Variants in PCP4L1 observed in about 807,000 individuals in gnomAD.
PCP4L1 encodes the protein Purkinje cell protein 4 like 1.
A neutral mutation model predicts 9.6 loss-of-function variants in PCP4L1; 9 were observed. The ratio of observed to expected loss-of-function variants is 0.94; its 90% CI spans 0.57 to 1.64. The LOEUF (loss-of-function observed/expected upper bound fraction) is 1.64. PCP4L1 is among the 40% of genes most tolerant of loss of function. The pLI is 0.00. For missense variants in PCP4L1, 81 were observed against 80.8 expected (o/e 1.00, Z -0.01); for synonymous variants, 31 against 28.2 (o/e 1.10, Z -0.31).
chr1:161,278,185 A>C (rs12409590), intron 1 of PCP4L1, among the ~76,000 whole-genome samples: 1 of 151,764 alleles, frequency 6.6e-6, no homozygotes, highest in Non-Finnish European at 1.5e-5. Context: ...CAATTCCTCC[A>C]CCGCCCTTTA....
intron 1 of PCP4L1, among the ~76,000 whole-genome samples, chr1:161,279,329 T>C (rs1669756002): frequency 6.6e-6 from 1 of 152,258 alleles, no homozygotes; most frequent in Admixed American, 6.5e-5. Flanking sequence ...GCAGGGACTT[T>C]CTTTTGCTCA....
Position 161,284,632 on chromosome 1 carries a change from C to T in PCP4L1, c.*151C>T. The T allele has an allele frequency of 9.6e-7, 1 of 1,047,090 alleles. No homozygotes were observed. 64.9% of individuals were successfully genotyped at this position (1,047,090 alleles called of 1,614,324 possible). ...CTTGTATCTGGCCCCCTCAAGCCAT[C>T]ACAGAAGTAGAGGCACAAGAGAGGT... On this transcript the variant is annotated 3_prime_UTR_variant, in exon 3 of 3. Coordinates refer to ENST00000504449, the MANE Select transcript of PCP4L1 (RefSeq NM_001102566.2).
intron 1 of PCP4L1, among the ~76,000 whole-genome samples, chr1:161,282,380 A>AGAGAGGGAGAGGGAGACCGTGGG (rs1278654412): frequency 5.8e-4 from 72 of 123,756 alleles, no homozygotes; most frequent in Middle Eastern, 7.4e-3. Context: ...GAGCGTGGAA[A>AGAGAGGGAGAGGGAGACCGTGGG]GAGAGGGAGA....
At chr1:161,272,583 T>G (rs1003394980) in intron 1 of PCP4L1, among the ~76,000 whole-genome samples, 2 of 150,088 alleles carry the variant, frequency 1.3e-5, no homozygotes, top group African/African-American at 4.9e-5. Context: ...AAAAAATTGG[T>G]ATTCCTCAAT....
At position 161,258,767 on chromosome 1, in the gene PCP4L1, C is replaced by A; in HGVS notation, c.-208C>A. The A allele has an allele frequency of 5.4e-6, 4 of 746,842 alleles. No homozygotes were observed. The highest frequency in any genetic ancestry group is 4.7e-5 in the Admixed American group (2 of 42,198). The allele number at this position is 746,842 out of a possible 1,614,324, so 46.3% of individuals were successfully genotyped here. ...GCTGAGCGGCTCTGACAGGACGGGT[C>A]GCAGGGGGTCGCCTGGCCGGAGCTG... On this transcript the variant is annotated 5_prime_UTR_variant, in exon 1 of 3. Coordinates refer to ENST00000504449, the MANE Select transcript of PCP4L1 (RefSeq NM_001102566.2).
At chr1:161,261,279 G>A (rs903879462) in intron 1 of PCP4L1, among the ~76,000 whole-genome samples, 1 of 152,216 alleles carries the variant, frequency 6.6e-6, no homozygotes, top group African/African-American at 2.4e-5. Context: ...AAACCAGGGA[G>A]GAGTCTCCAG....
chr1:161,276,341 T>C (rs139255588), intron 1 of PCP4L1, among the ~76,000 whole-genome samples: 128 of 152,280 alleles, frequency 8.4e-4, no homozygotes, highest in African/African-American at 2.6e-3. Flanking sequence ...AGGAATTCCA[T>C]AGGGTTTCAG....
At chr1:161,268,750 T>C (rs1431434238) in intron 1 of PCP4L1, among the ~76,000 whole-genome samples, 2 of 152,140 alleles carry the variant, frequency 1.3e-5, no homozygotes, top group African/African-American at 2.4e-5. Flanking sequence ...GGTTTCACCA[T>C]GTTGGTCAGG....
In PCP4L1 at chr1:161,283,693, C is replaced by T. The variant is rs1399916540; in HGVS notation, c.35C>T (p.Thr12Ile). ...CTTAATACCAAAACATCCCCAGCAA[C>T]CAACCAGGCAGCTGGCCAAGAGGAA... is the stretch of plus-strand genomic sequence containing the variant. The part of the protein sequence containing the change: ...SELNTKTSPA[T>I]NQAAGQEEKG... Residue 12 changes from threonine (T) to isoleucine (I), a missense_variant, in exon 2 of 3, where the codon ACC becomes ATC. Thr to Ile is a moderately conservative substitution (Grantham distance 89). Coordinates refer to ENST00000504449, the MANE Select transcript of PCP4L1 (RefSeq NM_001102566.2). 1 of 1,605,814 alleles carries T rather than the reference C, an allele frequency of 6.2e-7. No individual in the cohort carries two copies. Among genetic ancestry groups the T allele is most frequent in the African/African-American group, 1.3e-5 (1 of 74,878 alleles).
chr1:161,268,294 G>C (rs77144179), intron 1 of PCP4L1, among the ~76,000 whole-genome samples: 6 of 151,946 alleles, frequency 3.9e-5, no homozygotes, highest in Non-Finnish European at 5.9e-5. Context: ...AAACTCCTAC[G>C]GTAGCAGAAT....
At chr1:161,274,797 A>G (rs1236716691) in intron 1 of PCP4L1, among the ~76,000 whole-genome samples, 1 of 152,084 alleles carries the variant, frequency 6.6e-6, no homozygotes, top group Non-Finnish European at 1.5e-5. Flanking sequence ...CAGAGTGGCT[A>G]TTTCGAGAAC....
chr1:161,260,325 G>C (rs1036575081), intron 1 of PCP4L1, among the ~76,000 whole-genome samples: 4 of 152,314 alleles, frequency 2.6e-5, no homozygotes, highest in African/African-American at 9.6e-5. Flanking sequence ...GAACCAAAGT[G>C]GTTTCCAGTC....
At chr1:161,271,446 C>G (rs1669624688) in intron 1 of PCP4L1, among the ~76,000 whole-genome samples, 1 of 152,078 alleles carries the variant, frequency 6.6e-6, no homozygotes, top group Admixed American at 6.6e-5. Flanking sequence ...TGGATGCAAG[C>G]CTTTTATCAG....
chr1:161,267,094 T>G (rs1669544184), intron 1 of PCP4L1, among the ~76,000 whole-genome samples: 1 of 152,094 alleles, frequency 6.6e-6, no homozygotes, highest in African/African-American at 2.4e-5. Context: ...GCAGGGAGCT[T>G]AGGAAGCCTA....
Position 161,283,736 on chromosome 1 carries a change from G to A in PCP4L1, c.64+14G>A, listed in dbSNP as rs1408915268. On this transcript the variant is annotated intron_variant, in intron 2 of 2. Coordinates refer to ENST00000504449, the MANE Select transcript of PCP4L1 (RefSeq NM_001102566.2). ...AAGAGGAAAAAGGTGAGTGGGGTTGGGCTAGGCAGTTTGTAGAGCAGGTGA... is the reference window on the plus strand; with the variant it reads ...AAGAGGAAAAAGGTGAGTGGGGTTGAGCTAGGCAGTTTGTAGAGCAGGTGA... 2 of 1,601,640 alleles carry A rather than the reference G, an allele frequency of 1.2e-6. No individual in the cohort carries two copies. Among genetic ancestry groups the A allele is most frequent in the Non-Finnish European group, 8.5e-7 (1 of 1,173,598 alleles).
At chr1:161,261,160 T>TA (rs1669411046) in intron 1 of PCP4L1, among the ~76,000 whole-genome samples, 1 of 152,190 alleles carries the variant, frequency 6.6e-6, no homozygotes, top group Non-Finnish European at 1.5e-5. Flanking sequence ...CCTTGAATCT[T>TA]ACGTAAGTTT....
rs1015247440 is a variant in PCP4L1, at chr1:161,284,733, A to T, written c.*252A>T. 1.9e-6 allele frequency: 1 copy of T among 522,072 alleles called. No homozygotes were observed. The highest frequency in any genetic ancestry group is 3.2e-5 in the Admixed American group (1 of 31,440). 32.3% of individuals were successfully genotyped at this position (522,072 alleles called of 1,614,324 possible). A position where few individuals can be genotyped will look rare whatever the true frequency, so the allele number is the denominator to read the frequency against. On this transcript the variant is annotated 3_prime_UTR_variant, in exon 3 of 3. Coordinates refer to ENST00000504449, the MANE Select transcript of PCP4L1 (RefSeq NM_001102566.2). The stretch of plus-strand genomic sequence containing the variant: ...TTTCTTCTTGGTATAAGGTTCTTTG[A>T]TCAGTAGCTATGCCTGCCCTGTAGG...
chr1:161,276,038 G>T lies in PCP4L1; in HGVS notation c.10-7630G>T, dbSNP rs1029370984. On this transcript the variant is annotated intron_variant, in intron 1 of 2. Coordinates refer to ENST00000504449, the MANE Select transcript of PCP4L1 (RefSeq NM_001102566.2). ...TCGAACTCCTGACCTCAAATGATCC[G>T]CCTGCTTCGGCCTCCCAAAGTGCTG... 7.2e-5 allele frequency among the ~76,000 whole-genome samples: 11 copies of T among 152,048 alleles called. No individual in the cohort carries two copies. The East Asian group carries it at 2.1e-3, about 29-fold the overall frequency.
intron 1 of PCP4L1, among the ~76,000 whole-genome samples, chr1:161,265,304 G>C (rs1669511315): frequency 6.6e-6 from 1 of 152,208 alleles, no homozygotes; most frequent in African/African-American, 2.4e-5. Context: ...GCTGAGGTGG[G>C]AGGATTGCTT....
Sources: allele counts gnomAD v4.1 joint callset (sites outside exome capture counted in the v4.1 genomes callset), GRCh38; gene constraint gnomAD v4.1.1; transcripts MANE v1.5; gene names NCBI Gene and HGNC (gene_info 2026-07-23, HGNC 2026-07-21).